Variants in NANOS1 observed in about 807,000 individuals in gnomAD.
NANOS1 encodes nanos homolog 1.
Under a neutral mutation model 1.1 loss-of-function variants are expected in NANOS1, and 1 was observed. The ratio of observed to expected loss-of-function variants is 0.88; its 90% CI spans 0.31 to 4.20. NANOS1 has a LOEUF of 4.20. NANOS1 is among the 30% of genes most tolerant of loss of function. The pLI, the probability that NANOS1 is intolerant of heterozygous loss-of-function variation, is 0.17. For synonymous variants in NANOS1, 252 were observed against 230.6 expected, an observed-to-expected ratio of 1.09 and a Z score of -0.84; for missense variants, 537 against 457.9, an observed-to-expected ratio of 1.17 and a Z score of -1.58.
Position 119,030,834 on chromosome 10 carries a change from T to G in NANOS1, c.*154T>G. The G allele has an allele frequency of 1.9e-6, 2 of 1,064,444 alleles. No homozygotes were observed. The highest frequency in any genetic ancestry group is 2.4e-6 in the Non-Finnish European group (2 of 828,430). 65.9% of individuals were successfully genotyped at this position (1,064,444 alleles called of 1,614,324 possible). ...GGTTTTTGAAAAGCAGCCGACCGTG[T>G]GGAGTACTTCCGTGCTGAACGATTG... On this transcript the variant is annotated 3_prime_UTR_variant, in exon 1 of 1. Transcript: ENST00000425699. The surrounding 1 kb of genome is among the most constrained non-coding windows in gnomAD (Gnocchi z 5.3).
In NANOS1 at chr10:119,030,185, A is replaced by G. The variant is rs749340513; in HGVS notation, c.384A>G (p.Glu128=). Residue 128 remains glutamate, a synonymous_variant, in exon 1 of 1, where the codon GAA becomes GAG. Transcript: ENST00000425699. This position sits in a 1 kb window ranked among gnomAD's most constrained non-coding sequence, Gnocchi z 5.3. ...SRGRYLGSAL[E]LRALELCAGP... ...GCCGCTACCTGGGGAGCGCGCTGGA[A>G]TTGCGCGCGCTGGAGCTGTGCGCGG... 2.9e-4 allele frequency: 386 copies of G among 1,340,890 alleles called. No homozygotes were observed. Among genetic ancestry groups the G allele is most frequent in the Non-Finnish European group, 3.5e-4 (372 of 1,051,896 alleles). The allele number at this position is 1,340,890 out of a possible 1,614,324, so 83.1% of individuals were successfully genotyped here. A position where few individuals can be genotyped will look rare whatever the true frequency, so the allele number is the denominator to read the frequency against.
rs754122255 is a variant in NANOS1 at position 119,030,410 on chromosome 10, C to T, written c.609C>T (p.Ala203=). The T allele has an allele frequency of 2.7e-5, 37 of 1,369,920 alleles. No individual in the cohort carries two copies. Among genetic ancestry groups the T allele is most frequent in the Non-Finnish European group, 3.3e-5 (35 of 1,057,002 alleles). The allele number at this position is 1,369,920 out of a possible 1,614,324, so 84.9% of individuals were successfully genotyped here. Residue 203 remains alanine (A), a synonymous_variant, in exon 1 of 1, where the codon GCC becomes GCT. Coordinates refer to ENST00000425699, the MANE Select transcript of NANOS1 (RefSeq NM_199461.4). The surrounding 1 kb of genome is among the most constrained non-coding windows in gnomAD (Gnocchi z 5.3). ...PRLHAASGAA[A]ARLLKPELQV... ...TGCACGCGGCCTCCGGGGCGGCGGC[C>T]GCCCGGCTGCTGAAGCCCGAGCTGC...
At position 119,030,464 on chromosome 10, in the gene NANOS1, G is replaced by C; in HGVS notation, c.663G>C (p.Lys221Asn). The change falls in exon 1 of 1, where the codon AAG (lysine) becomes AAC (asparagine). Residue 221 changes from lysine (K) to asparagine (N), a missense_variant. Lys to Asn is a moderately conservative substitution (Grantham distance 94, BLOSUM62 0). Transcript: ENST00000425699. This position sits in a 1 kb window ranked among gnomAD's most constrained non-coding sequence, Gnocchi z 5.3. ...LQVCVFCRNNKEAMALYTTHI... is the reference protein window; with the variant it reads ...LQVCVFCRNNNEAMALYTTHI... ...TGTGCGTGTTCTGCCGGAACAACAAGGAGGCGATGGCGCTCTACACCACCC... is the reference window on the plus strand; with the variant it reads ...TGTGCGTGTTCTGCCGGAACAACAACGAGGCGATGGCGCTCTACACCACCC... 1 of 1,474,754 alleles carries C rather than the reference G, an allele frequency of 6.8e-7. No homozygotes were observed. Among genetic ancestry groups the C allele is most frequent in the Non-Finnish European group, 9.0e-7 (1 of 1,110,250 alleles). 91.4% of individuals were successfully genotyped at this position (1,474,754 alleles called of 1,614,324 possible).
rs1848066514 is a variant in NANOS1 at position 119,032,548 on chromosome 10, T to TTA, written c.*1869_*1870dup. The stretch of plus-strand genomic sequence containing the variant: ...GTTTCTAAGGTCAACATGAATCCTC[T>TTA]TACCTCTCTCACTGCTCGTGTTCTG... On this transcript the variant is annotated 3_prime_UTR_variant, in exon 1 of 1. Transcript: ENST00000425699. The TTA allele has an allele frequency of 6.0e-6, 1 of 167,114 alleles. No homozygotes were observed. The highest frequency in any genetic ancestry group is 2.1e-4 in the South Asian group (1 of 4,830). 10.4% of individuals were successfully genotyped at this position (167,114 alleles called of 1,614,324 possible).
Position 119,030,189 on chromosome 10 carries a change from CGCGCGCTGGAGCTGT to C in NANOS1, c.394_408del (p.Leu132_Ala136del). On this transcript the variant is annotated inframe_deletion, in exon 1 of 1. Transcript: ENST00000425699. This position sits in a 1 kb window ranked among gnomAD's most constrained non-coding sequence, Gnocchi z 5.3. ...CTACCTGGGGAGCGCGCTGGAATTGCGCGCGCTGGAGCTGTGCGCGGGCCCCGCCGAGGCCGGGCT... is the reference window on the plus strand; with the variant it reads ...CTACCTGGGGAGCGCGCTGGAATTGCGCGCGGGCCCCGCCGAGGCCGGGCT... The C allele has an allele frequency of 3.7e-6, 5 of 1,339,060 alleles. No individual in the cohort carries two copies. Among genetic ancestry groups the C allele is most frequent in the Non-Finnish European group, 4.8e-6 (5 of 1,050,696 alleles). 82.9% of individuals were successfully genotyped at this position (1,339,060 alleles called of 1,614,324 possible).
At position 119,030,780 on chromosome 10, in the gene NANOS1, G is replaced by A. The variant is rs1056959342; in HGVS notation, c.*100G>A. 2 of 1,234,224 alleles carry A rather than the reference G, an allele frequency of 1.6e-6. No homozygotes were observed. Among genetic ancestry groups the A allele is most frequent in the South Asian group, 7.8e-5 (2 of 25,648 alleles). The allele number at this position is 1,234,224 out of a possible 1,614,324, so 76.5% of individuals were successfully genotyped here. ...CCGTGGGGAGGCGTGCGGCTCAGCGGTCGGCTCGACATGGGACGTCGTCCT... is the reference window on the plus strand; with the variant it reads ...CCGTGGGGAGGCGTGCGGCTCAGCGATCGGCTCGACATGGGACGTCGTCCT... On this transcript the variant is annotated 3_prime_UTR_variant, in exon 1 of 1. Transcript: ENST00000425699. This position sits in a 1 kb window ranked among gnomAD's most constrained non-coding sequence, Gnocchi z 5.3.
At position 119,032,126 on chromosome 10, in the gene NANOS1, A is replaced by C. The variant is rs1194793686; in HGVS notation, c.*1446A>C. The stretch of plus-strand genomic sequence containing the variant: ...TATCTGAAGATACCAGCAAGAGTTT[A>C]GTCTACGTGTATAAGGCTCCCAGTA... On this transcript the variant is annotated 3_prime_UTR_variant, in exon 1 of 1. Coordinates refer to ENST00000425699, the MANE Select transcript of NANOS1 (RefSeq NM_199461.4). 1 of 167,144 alleles carries C rather than the reference A, an allele frequency of 6.0e-6. No individual in the cohort carries two copies. The highest frequency in any genetic ancestry group is 1.5e-5 in the Non-Finnish European group (1 of 68,128). 10.4% of individuals were successfully genotyped at this position (167,144 alleles called of 1,614,324 possible).
Position 119,030,697 on chromosome 10 carries a change from C to T in NANOS1, c.*17C>T. 7.8e-7 allele frequency: 1 copy of T among 1,282,916 alleles called. No individual in the cohort carries two copies. The highest frequency in any genetic ancestry group is 9.8e-7 in the Non-Finnish European group (1 of 1,016,462). 79.5% of individuals were successfully genotyped at this position (1,282,916 alleles called of 1,614,324 possible). A position where few individuals can be genotyped will look rare whatever the true frequency, so the allele number is the denominator to read the frequency against. ...CTGCGCTGAAGGCCCGGGCTCCCGG[C>T]CGCCCAGGGTCGCCGCCGCCCCTCG... On this transcript the variant is annotated 3_prime_UTR_variant, in exon 1 of 1. Transcript: ENST00000425699. The surrounding 1 kb of genome is among the most constrained non-coding windows in gnomAD (Gnocchi z 5.3).
At position 119,030,419 on chromosome 10, in the gene NANOS1, G is replaced by C. The variant is rs755037019; in HGVS notation, c.618G>C (p.Leu206=). The C allele has an allele frequency of 4.3e-6, 6 of 1,409,412 alleles. No individual in the cohort carries two copies. The highest frequency in any genetic ancestry group is 5.6e-6 in the Non-Finnish European group (6 of 1,076,416). 87.3% of individuals were successfully genotyped at this position (1,409,412 alleles called of 1,614,324 possible). A position where few individuals can be genotyped will look rare whatever the true frequency, so the allele number is the denominator to read the frequency against. Residue 206 remains leucine, a synonymous_variant, in exon 1 of 1, where the codon CTG becomes CTC. Coordinates refer to ENST00000425699, the MANE Select transcript of NANOS1 (RefSeq NM_199461.4). This position sits in a 1 kb window ranked among gnomAD's most constrained non-coding sequence, Gnocchi z 5.3. The part of the protein sequence containing the change: ...HAASGAAAAR[L]LKPELQVCVF... ...CCTCCGGGGCGGCGGCCGCCCGGCTGCTGAAGCCCGAGCTGCAGGTGTGCG... is the reference window on the plus strand; with the variant it reads ...CCTCCGGGGCGGCGGCCGCCCGGCTCCTGAAGCCCGAGCTGCAGGTGTGCG...
Position 119,030,547 on chromosome 10 carries a change from G to C in NANOS1, c.746G>C (p.Cys249Ser). 1.3e-6 allele frequency: 2 copies of C among 1,529,764 alleles called. No homozygotes were observed. Among genetic ancestry groups the C allele is most frequent in the Non-Finnish European group, 1.7e-6 (2 of 1,143,284 alleles). The allele number at this position is 1,529,764 out of a possible 1,614,324, so 94.8% of individuals were successfully genotyped here. Residue 249 changes from cysteine to serine, a missense_variant, in exon 1 of 1, where the codon TGT becomes TCT. Cys to Ser is a moderately radical substitution (Grantham distance 112). Transcript: ENST00000425699. The surrounding 1 kb of genome is among the most constrained non-coding windows in gnomAD (Gnocchi z 5.3). ...VLCPVLRRYT[C>S]PLCGASGDNA... is the part of the protein sequence containing the mutation. ...TGTCCCGTGCTGCGCCGCTACACGTGTCCCCTGTGCGGCGCCAGCGGCGAC... is the reference window on the plus strand; with the variant it reads ...TGTCCCGTGCTGCGCCGCTACACGTCTCCCCTGTGCGGCGCCAGCGGCGAC...
Position 119,030,834 on chromosome 10 carries a change from T to C in NANOS1, c.*154T>C. The C allele has an allele frequency of 1.9e-6, 2 of 1,064,444 alleles. No homozygotes were observed. Among genetic ancestry groups the C allele is most frequent in the Non-Finnish European group, 2.4e-6 (2 of 828,430 alleles). 65.9% of individuals were successfully genotyped at this position (1,064,444 alleles called of 1,614,324 possible). A position where few individuals can be genotyped will look rare whatever the true frequency, so the allele number is the denominator to read the frequency against. ...GGTTTTTGAAAAGCAGCCGACCGTG[T>C]GGAGTACTTCCGTGCTGAACGATTG... On this transcript the variant is annotated 3_prime_UTR_variant, in exon 1 of 1. Coordinates refer to ENST00000425699, the MANE Select transcript of NANOS1 (RefSeq NM_199461.4). The surrounding 1 kb of genome is among the most constrained non-coding windows in gnomAD (Gnocchi z 5.3).
At position 119,030,549 on chromosome 10, in the gene NANOS1, C is replaced by G; in HGVS notation, c.748C>G (p.Pro250Ala). Reference protein sequence around the residue: ...LCPVLRRYTCPLCGASGDNAH... With the variant: ...LCPVLRRYTCALCGASGDNAH... ...TCCCGTGCTGCGCCGCTACACGTGT[C>G]CCCTGTGCGGCGCCAGCGGCGACAA... Residue 250 changes from proline to alanine, a missense_variant, in exon 1 of 1, where the codon CCC (proline) becomes GCC (alanine). Transcript: ENST00000425699. The surrounding 1 kb of genome is among the most constrained non-coding windows in gnomAD (Gnocchi z 5.3). 6.5e-7 allele frequency: 1 copy of G among 1,530,324 alleles called. No homozygotes were observed. The highest frequency in any genetic ancestry group is 8.7e-7 in the Non-Finnish European group (1 of 1,143,634). The allele number at this position is 1,530,324 out of a possible 1,614,324, so 94.8% of individuals were successfully genotyped here. A position where few individuals can be genotyped will look rare whatever the true frequency, so the allele number is the denominator to read the frequency against.
Position 119,031,647 on chromosome 10 carries a change from A to G in NANOS1, c.*967A>G, listed in dbSNP as rs1003201539. 1.2e-5 allele frequency: 2 copies of G among 166,674 alleles called. No individual in the cohort carries two copies. Among genetic ancestry groups the G allele is most frequent in the African/African-American group, 4.8e-5 (2 of 41,432 alleles). The allele number at this position is 166,674 out of a possible 1,614,324, so 10.3% of individuals were successfully genotyped here. Reference sequence around the variant, plus strand: ...AGACAGCAGTATTAATTCACCCTAGATTACTCAATTTCAGGGTTCCTAGTG... The same window carrying G: ...AGACAGCAGTATTAATTCACCCTAGGTTACTCAATTTCAGGGTTCCTAGTG... On this transcript the variant is annotated 3_prime_UTR_variant, in exon 1 of 1. Transcript: ENST00000425699.
chr10:119,029,717 G>A lies in NANOS1; in HGVS notation c.-85G>A, dbSNP rs957153215. ...GGCGGCGCGGCGGCCCCACCCCGCG[G>A]CAGGCCGGCGGGCAGGCTCGGCGTG... On this transcript the variant is annotated 5_prime_UTR_variant, in exon 1 of 1. Coordinates refer to ENST00000425699, the MANE Select transcript of NANOS1 (RefSeq NM_199461.4). 141 of 690,864 alleles carry A rather than the reference G, an allele frequency of 2.0e-4. No homozygotes were observed. The African/African-American group carries it at 2.4e-3, about 12-fold the overall frequency. The allele number at this position is 690,864 out of a possible 1,614,324, so 42.8% of individuals were successfully genotyped here. A position where few individuals can be genotyped will look rare whatever the true frequency, so the allele number is the denominator to read the frequency against.
In NANOS1 at chr10:119,030,019, G is replaced by C; in HGVS notation, c.218G>C (p.Gly73Ala). 1 of 1,400,328 alleles carries C rather than the reference G, an allele frequency of 7.1e-7. No homozygotes were observed. Among genetic ancestry groups the C allele is most frequent in the Non-Finnish European group, 9.3e-7 (1 of 1,076,336 alleles). 86.7% of individuals were successfully genotyped at this position (1,400,328 alleles called of 1,614,324 possible). A position where few individuals can be genotyped will look rare whatever the true frequency, so the allele number is the denominator to read the frequency against. ...TGCGCCCGCGGTGGGAACGGCGGCG[G>C]CGGCTCCCCGCCCTCCTCCTCCTCG... is the stretch of plus-strand genomic sequence containing the variant. ...FGCARGGNGG[G>A]GSPPSSSSSS... The change falls in exon 1 of 1, where the codon GGC becomes GCC. Residue 73 changes from glycine (G) to alanine (A), a missense_variant. Physicochemically the swap from Gly to Ala is moderately conservative, Grantham distance 60. Coordinates refer to ENST00000425699, the MANE Select transcript of NANOS1 (RefSeq NM_199461.4). The surrounding 1 kb of genome is among the most constrained non-coding windows in gnomAD (Gnocchi z 5.3).
At position 119,031,078 on chromosome 10, in the gene NANOS1, A is replaced by T. The variant is rs1848042396; in HGVS notation, c.*398A>T. 5.3e-6 allele frequency: 1 copy of T among 189,104 alleles called. No individual in the cohort carries two copies. Among genetic ancestry groups the T allele is most frequent in the Admixed American group, 6.3e-5 (1 of 15,906 alleles). The allele number at this position is 189,104 out of a possible 1,614,324, so 11.7% of individuals were successfully genotyped here. A position where few individuals can be genotyped will look rare whatever the true frequency, so the allele number is the denominator to read the frequency against. On this transcript the variant is annotated 3_prime_UTR_variant, in exon 1 of 1. Transcript: ENST00000425699. ...GGAGGCACTTTACTAGGTCTAGAATATTTTTTTAAAAGCCTCTGAACTGAG... is the reference window on the plus strand; with the variant it reads ...GGAGGCACTTTACTAGGTCTAGAATTTTTTTTTAAAAGCCTCTGAACTGAG...
chr10:119,030,116 C>T lies in NANOS1; in HGVS notation c.315C>T (p.Tyr105=). ...GGCCGGCGCTGGGGCCGCCCGACTA[C>T]GACGAGGACGACGACGACGACAGCG... The part of the protein sequence containing the change: ...ALGPALGPPD[Y]DEDDDDDSDE... Residue 105 remains tyrosine, a synonymous_variant, in exon 1 of 1, where the codon TAC becomes TAT. Transcript: ENST00000425699. This position sits in a 1 kb window ranked among gnomAD's most constrained non-coding sequence, Gnocchi z 5.3. 7.5e-7 allele frequency: 1 copy of T among 1,331,976 alleles called. No individual in the cohort carries two copies. The highest frequency in any genetic ancestry group is 2.0e-5 in the South Asian group (1 of 50,648). The allele number at this position is 1,331,976 out of a possible 1,614,324, so 82.5% of individuals were successfully genotyped here. A position where few individuals can be genotyped will look rare whatever the true frequency, so the allele number is the denominator to read the frequency against.
In NANOS1 at chr10:119,033,341, A is replaced by G. The variant is rs1467290571; in HGVS notation, c.*2661A>G. ...TCTTATGAAAAGTATATGTAAACAC[A>G]TTCATTTAAAAATCCTTGGAACTCA... On this transcript the variant is annotated 3_prime_UTR_variant, in exon 1 of 1. Coordinates refer to ENST00000425699, the MANE Select transcript of NANOS1 (RefSeq NM_199461.4). 6.0e-6 allele frequency: 1 copy of G among 167,134 alleles called. No individual in the cohort carries two copies. Among genetic ancestry groups the G allele is most frequent in the Non-Finnish European group, 1.5e-5 (1 of 68,132 alleles). 10.4% of individuals were successfully genotyped at this position (167,134 alleles called of 1,614,324 possible).
Position 119,030,414 on chromosome 10 carries a change from C to T in NANOS1, c.613C>T (p.Arg205Trp), listed in dbSNP as rs1480505853. 2.9e-6 allele frequency: 4 copies of T among 1,387,534 alleles called. No individual in the cohort carries two copies. The highest frequency in any genetic ancestry group is 1.8e-5 in the South Asian group (1 of 56,232). The allele number at this position is 1,387,534 out of a possible 1,614,324, so 86.0% of individuals were successfully genotyped here. A position where few individuals can be genotyped will look rare whatever the true frequency, so the allele number is the denominator to read the frequency against. The change falls in exon 1 of 1, where the codon CGG (arginine) becomes TGG (tryptophan). Residue 205 changes from arginine to tryptophan, a missense_variant. Arg to Trp is a moderately radical substitution (Grantham distance 101). Coordinates refer to ENST00000425699, the MANE Select transcript of NANOS1 (RefSeq NM_199461.4). This position sits in a 1 kb window ranked among gnomAD's most constrained non-coding sequence, Gnocchi z 5.3. ...LHAASGAAAARLLKPELQVCV... is the reference protein window; with the variant it reads ...LHAASGAAAAWLLKPELQVCV... ...CGCGGCCTCCGGGGCGGCGGCCGCC[C>T]GGCTGCTGAAGCCCGAGCTGCAGGT... is the stretch of plus-strand genomic sequence containing the variant.
Sources: gnomAD v4.1 joint callset for allele counts on GRCh38, gnomAD v4.1.1 for gene constraint, Gnocchi (gnomAD v3.1) non-coding constraint, MANE v1.5 for transcripts, NCBI Gene and HGNC (gene_info 2026-07-23, HGNC 2026-07-21) for gene names.